The following NKX2-5 variants were observed in gnomAD, a reference collection of about 807,000 sequenced individuals.
The protein encoded by NKX2-5 is NK2 homeobox 5, also known as homeobox protein Nkx-2.5.
A neutral mutation model predicts 24.5 loss-of-function variants in NKX2-5; 3 were observed. The observed-to-expected ratio is 0.12, with a 90% CI of 0.06 to 0.32. NKX2-5 has a LOEUF of 0.32. NKX2-5 is among the 10% of genes least tolerant of loss of function. NKX2-5 has a pLI of 1.00. For missense variants in NKX2-5, 429 were observed against 452.4 expected (o/e 0.95, Z 0.47); for synonymous variants, 215 against 217.6 (o/e 0.99, Z 0.11).
At chr5:173,233,622 G>T in intron 1 of NKX2-5, 3 of 664,614 alleles carry the variant, frequency 4.5e-6, no homozygotes, top group East Asian at 2.8e-5. Context: ...AGAGGCCGAG[G>T]CCTCACTGCT....
chr5:173,234,267 G>A, intron 1 of NKX2-5: 1 of 1,204,974 alleles, frequency 8.3e-7, no homozygotes, highest in Non-Finnish European at 1.1e-6. Context: ...CCGGGTCGTG[G>A]GTGGGCTGCA....
Position 173,232,505 on chromosome 5 carries a change from C to A in NKX2-5, c.*64G>T. The A allele has an allele frequency of 6.3e-7, 1 of 1,589,082 alleles. No homozygotes were observed. On this transcript the variant is annotated 3_prime_UTR_variant, in exon 2 of 2. Coordinates refer to ENST00000329198, the MANE Select transcript of NKX2-5 (RefSeq NM_004387.4). This position sits in a 1 kb window ranked among gnomAD's most constrained non-coding sequence, Gnocchi z 5.9. ...AGGGTCATGTTGGGAGCCCCTTCTC[C>A]CCCCGAGAGTCAGGGAGCTGTTGAG... is the stretch of plus-strand genomic sequence containing the variant.
At chr5:173,233,527 A>AAAAAT in intron 1 of NKX2-5, 1 of 894,304 alleles carries the variant, frequency 1.1e-6, no homozygotes, top group Non-Finnish European at 1.7e-6. Flanking sequence ...AAATAAATAA[A>AAAAAT]AAAATAAAAA....
In NKX2-5 at chr5:173,232,472, G is replaced by A. The variant is rs1246685708; in HGVS notation, c.*97C>T. 7.7e-6 allele frequency: 12 copies of A among 1,550,164 alleles called. No individual in the cohort carries two copies. The highest frequency in any genetic ancestry group is 2.3e-5 in the East Asian group (1 of 42,602). ...TCCGCAGGAGTGAATGCAAAATCCA[G>A]GGGACTCAGGGTCATGTTGGGAGCC... On this transcript the variant is annotated 3_prime_UTR_variant, in exon 2 of 2. Coordinates refer to ENST00000329198, the MANE Select transcript of NKX2-5 (RefSeq NM_004387.4). The surrounding 1 kb of genome is among the most constrained non-coding windows in gnomAD (Gnocchi z 5.9).
At chr5:173,234,655 G>T in intron 1 of NKX2-5, 95 bp downstream of exon 1, 1 of 1,132,202 alleles carries the variant, frequency 8.8e-7, no homozygotes, top group South Asian at 2.0e-5. Context: ...CCCAGCCCTC[G>T]GCCCAAGGGC....
At chr5:173,234,354 G>C (rs1561620919) in intron 1 of NKX2-5, 1 of 949,824 alleles carries the variant, frequency 1.1e-6, no homozygotes, top group East Asian at 1.2e-4. Context: ...CTGTTTAGCG[G>C]TTCTCATCAG....
rs766931455 is a variant in NKX2-5 at position 173,233,520 on chromosome 5, T to TA, written c.335-312dup. On this transcript the variant is annotated intron_variant, in intron 1 of 1. Coordinates refer to ENST00000329198, the MANE Select transcript of NKX2-5 (RefSeq NM_004387.4). ...TTTCAGGCTGCAAAAAAAAAAAAAA[T>TA]AAATAAAAAAATAAAAAAATAAAAA... The TA allele has an allele frequency of 9.4e-4, 462 of 494,094 alleles. 11 individuals are homozygous for TA. Among genetic ancestry groups the TA allele is most frequent in the African/African-American group, 2.1e-3 (96 of 44,676 alleles). The allele number at this position is 494,094 out of a possible 1,614,324, so 30.6% of individuals were successfully genotyped here. A position where few individuals can be genotyped will look rare whatever the true frequency, so the allele number is the denominator to read the frequency against.
At chr5:173,233,734 C>T in intron 1 of NKX2-5, 1 of 609,096 alleles carries the variant, frequency 1.6e-6, no homozygotes. Flanking sequence ...AGGGTTTGCG[C>T]AGTGTCCAAG....
chr5:173,233,505 C>CAAAAAAAAAAAAAAAAAAA (rs763099269), intron 1 of NKX2-5: 46 of 503,626 alleles, frequency 9.1e-5, no homozygotes, highest in South Asian at 2.1e-4. Flanking sequence ...TTTCAGGCTG[C>CAAAAAAAAAAAAAAAAAAA]AAAAAAAAAA....
chr5:173,233,339 C>T (rs995830063), intron 1 of NKX2-5, 130 bp from the exon 2 acceptor site: 1 of 1,537,142 alleles, frequency 6.5e-7, no homozygotes, highest in Admixed American at 2.0e-5. Flanking sequence ...CAGCTGGCTG[C>T]GGCTCACTCT....
In NKX2-5 at chr5:173,232,624, C is replaced by T; in HGVS notation, c.920G>A (p.Gly307Glu). 2 of 1,613,600 alleles carry T rather than the reference C, an allele frequency of 1.2e-6. No homozygotes were observed. Among genetic ancestry groups the T allele is most frequent in the South Asian group, 1.1e-5 (1 of 91,092 alleles). The change falls in exon 2 of 2, where the codon GGG (glycine) becomes GAG (glutamate). Residue 307 changes from glycine (G) to glutamate (E), a missense_variant. Physicochemically the swap from Gly to Glu is moderately conservative, Grantham distance 98 (BLOSUM62 -2). This residue lies in a region of NKX2-5 where 183 missense variants were observed against 185.9 expected (regional missense o/e 0.98). Coordinates refer to ENST00000329198, the MANE Select transcript of NKX2-5 (RefSeq NM_004387.4). This position sits in a 1 kb window ranked among gnomAD's most constrained non-coding sequence, Gnocchi z 5.9. ...CACTCCCGAGTTGCTCTGCGGAATC[C>T]CGGGGCTCTGAACCGCATTCAAGTC... ...VGDLNAVQSP[G>E]IPQSNSGVST... is the part of the protein sequence containing the mutation.
Position 173,232,350 on chromosome 5 carries a change from G to T in NKX2-5, c.*219C>A. 1 of 845,172 alleles carries T rather than the reference G, an allele frequency of 1.2e-6. No homozygotes were observed. Among genetic ancestry groups the T allele is most frequent in the Non-Finnish European group, 1.8e-6 (1 of 558,864 alleles). The allele number at this position is 845,172 out of a possible 1,614,324, so 52.4% of individuals were successfully genotyped here. A position where few individuals can be genotyped will look rare whatever the true frequency, so the allele number is the denominator to read the frequency against. Reference sequence around the variant, plus strand: ...TCCTGGGGGGACAGCTAAGACACCAGGCTGCAGGATCACTCATTGCACGCT... The same window carrying T: ...TCCTGGGGGGACAGCTAAGACACCATGCTGCAGGATCACTCATTGCACGCT... On this transcript the variant is annotated 3_prime_UTR_variant, in exon 2 of 2. Transcript: ENST00000329198. This position sits in a 1 kb window ranked among gnomAD's most constrained non-coding sequence, Gnocchi z 5.9.
In NKX2-5 at chr5:173,235,046, G is replaced by A; in HGVS notation, c.38C>T (p.Ser13Leu). ...TTCCAGGTTTAGGATGTCTTTGACT[G>A]AGAAGGGCGTGGGCGTGAGAGCAGG... is the stretch of plus-strand genomic sequence containing the variant. Reference protein sequence around the residue: ...PSPALTPTPFSVKDILNLEQQ... With the variant: ...PSPALTPTPFLVKDILNLEQQ... The change falls in exon 1 of 2, where the codon TCA becomes TTA. Residue 13 changes from serine to leucine, a missense_variant. This residue lies in a region of NKX2-5 where 240 missense variants were observed against 240.4 expected (regional missense o/e 1.00). Coordinates refer to ENST00000329198, the MANE Select transcript of NKX2-5 (RefSeq NM_004387.4). 1 of 1,611,794 alleles carries A rather than the reference G, an allele frequency of 6.2e-7. No homozygotes were observed. Among genetic ancestry groups the A allele is most frequent in the Non-Finnish European group, 8.5e-7 (1 of 1,179,470 alleles).
chr5:173,233,724 A>G (rs967559827), intron 1 of NKX2-5: 2 of 519,126 alleles, frequency 3.9e-6, no homozygotes, highest in African/African-American at 4.1e-5. Context: ...TGGCCGCAGC[A>G]GGGTTTGCGC....
intron 1 of NKX2-5, chr5:173,233,880 C>T: frequency 1.0e-6 from 1 of 985,480 alleles, no homozygotes; most frequent in Non-Finnish European, 1.2e-6. Flanking sequence ...GAATTCTCTC[C>T]CGGCTGGCAG....
intron 1 of NKX2-5, among the ~76,000 whole-genome samples, 168 bp downstream of exon 1, chr5:173,234,575 CGATTGGA>C (rs1450204897): frequency 6.6e-6 from 1 of 152,194 alleles, no homozygotes; most frequent in Non-Finnish European, 1.5e-5. Context: ...TCTGAACCTC[CGATTGGA>C]CGCGGGGCGC....
Position 173,232,333 on chromosome 5 carries a change from G to T in NKX2-5, c.*236C>A. ...GGACTCTCGGAGGGCACTCCTGGGGGGACAGCTAAGACACCAGGCTGCAGG... is the reference window on the plus strand; with the variant it reads ...GGACTCTCGGAGGGCACTCCTGGGGTGACAGCTAAGACACCAGGCTGCAGG... On this transcript the variant is annotated 3_prime_UTR_variant, in exon 2 of 2. Coordinates refer to ENST00000329198, the MANE Select transcript of NKX2-5 (RefSeq NM_004387.4). The surrounding 1 kb of genome is among the most constrained non-coding windows in gnomAD (Gnocchi z 5.9). 1 of 739,824 alleles carries T rather than the reference G, an allele frequency of 1.4e-6. No homozygotes were observed. Among genetic ancestry groups the T allele is most frequent in the Non-Finnish European group, 2.1e-6 (1 of 469,716 alleles). The allele number at this position is 739,824 out of a possible 1,614,324, so 45.8% of individuals were successfully genotyped here.
At chr5:173,234,101 C>A in intron 1 of NKX2-5, 1 of 1,289,460 alleles carries the variant, frequency 7.8e-7, no homozygotes, top group Non-Finnish European at 1.0e-6. Flanking sequence ...AACTTTTCCA[C>A]GAGGGAACCT....
chr5:173,234,048 A>G (rs1761403289), intron 1 of NKX2-5: 1 of 1,289,066 alleles, frequency 7.8e-7, no homozygotes, highest in Admixed American at 2.3e-5. Context: ...TCCCGCACTC[A>G]TCTCGTCCAC....
Sources: allele counts gnomAD v4.1 joint callset (sites outside exome capture counted in the v4.1 genomes callset), GRCh38; gene constraint gnomAD v4.1.1; regional missense constraint gnomAD v4.1.1; non-coding constraint Gnocchi (gnomAD v3.1); transcripts MANE v1.5; gene names NCBI Gene and HGNC (gene_info 2026-07-23, HGNC 2026-07-21).